Variants in PCDHA9 observed in about 807,000 individuals in gnomAD.
PCDHA9 encodes protocadherin alpha-9.
In PCDHA9, 62 loss-of-function variants were observed where a neutral mutation model predicts 62.0. The ratio of observed to expected loss-of-function variants is 1.00; its 90% CI spans 0.81 to 1.23. The LOEUF is 1.23. PCDHA9 is among the 50% of genes most tolerant of loss of function. The probability of loss-of-function intolerance (pLI) is 0.00; values close to 1 mark genes in which losing one functional copy is unlikely to be tolerated. For missense variants in PCDHA9, 1,205 were observed against 1,249.8 expected (o/e 0.96, Z 0.54); for synonymous variants, 557 against 567.6 (o/e 0.98, Z 0.27).
intron 1 of PCDHA9, chr5:140,883,677 C>T (rs112867183): frequency 1.2e-6 from 2 of 1,613,726 alleles, no homozygotes. Flanking sequence ...AACAATCCGC[C>T]GGGCTGCCAC....
chr5:140,857,695 G>T (rs2044799008), intron 1 of PCDHA9: 1 of 1,597,116 alleles, frequency 6.3e-7, no homozygotes, highest in South Asian at 1.1e-5. Context: ...GCAACTTGAC[G>T]CTGCAGGTGT....
rs1277596666 is a variant in PCDHA9 at position 140,856,532 on chromosome 5, G to A, written c.2394+5643G>A. ...AGAAGGCGCATCTGATGCGGATGTT[G>A]GAGAGAACGCATTGCTTACTTACAA... On this transcript the variant is annotated intron_variant, in intron 1 of 3. Transcript: ENST00000532602. The A allele has an allele frequency of 1.9e-6, 3 of 1,598,248 alleles. 1 individual carries two copies. The highest frequency in any genetic ancestry group is 2.6e-6 in the Non-Finnish European group (3 of 1,167,844).
chr5:140,892,580 A>C (rs1462175198), intron 1 of PCDHA9, among the ~76,000 whole-genome samples: 2 of 152,198 alleles, frequency 1.3e-5, no homozygotes, highest in Admixed American at 1.3e-4. Context: ...AGTATATCTC[A>C]GTATTCATTC....
intron 1 of PCDHA9, among the ~76,000 whole-genome samples, chr5:140,885,639 A>C (rs782628776): frequency 6.6e-6 from 1 of 152,184 alleles, no homozygotes; most frequent in Non-Finnish European, 1.5e-5. Flanking sequence ...TTGCCTTCCA[A>C]GTATTTTGGA....
chr5:140,871,011 G>C, intron 1 of PCDHA9: 1 of 1,613,324 alleles, frequency 6.2e-7, no homozygotes, highest in Non-Finnish European at 8.5e-7. Context: ...CGCGTGCCCT[G>C]GACGAGGCAG....
chr5:140,876,155 T>C lies in PCDHA9; in HGVS notation c.2394+25266T>C, dbSNP rs1554168308. Reference sequence around the variant, plus strand: ...CCAGAACTAACAGGGTCTGTCCAGATTCAAATAACCGTCCTGGATGTGAAT... The same window carrying C: ...CCAGAACTAACAGGGTCTGTCCAGACTCAAATAACCGTCCTGGATGTGAAT... On this transcript the variant is annotated intron_variant, in intron 1 of 3. Coordinates refer to ENST00000532602, the MANE Select transcript of PCDHA9 (RefSeq NM_031857.2). 3 of 1,613,994 alleles carry C rather than the reference T, an allele frequency of 1.9e-6. No homozygotes were observed. Among genetic ancestry groups the C allele is most frequent in the Admixed American group, 3.3e-5 (2 of 60,026 alleles).
intron 1 of PCDHA9, chr5:140,870,564 G>T (rs782511789): frequency 1.2e-6 from 2 of 1,613,884 alleles, no homozygotes; most frequent in Non-Finnish European, 1.7e-6. Context: ...AGGAGAACGC[G>T]CTGGTGTCCT....
intron 1 of PCDHA9, among the ~76,000 whole-genome samples, chr5:140,973,558 T>C (rs1427190876): frequency 6.6e-6 from 1 of 152,238 alleles, no homozygotes; most frequent in Admixed American, 6.5e-5. Flanking sequence ...AATTACCTCT[T>C]TCCTCAATTT....
intron 1 of PCDHA9, among the ~76,000 whole-genome samples, chr5:140,952,596 GTT>G (rs1246642070): frequency 6.6e-6 from 1 of 152,136 alleles, no homozygotes; most frequent in Non-Finnish European, 1.5e-5. Flanking sequence ...TCTCTAGGAA[GTT>G]CTAAGCTCTC....
rs1284021507 is a variant in PCDHA9 at position 140,883,838 on chromosome 5, G to A, written c.2394+32949G>A. The A allele has an allele frequency of 1.9e-6, 3 of 1,612,620 alleles. No individual in the cohort carries two copies. In the Admixed American group the frequency reaches 5.0e-5, roughly 27 times the overall value. ...CAAGGTGTACGCGCTGCAGCCGTTG[G>A]ACCACGAGGAGCTGGAGCTGTTGCA... On this transcript the variant is annotated intron_variant, in intron 1 of 3. Coordinates refer to ENST00000532602, the MANE Select transcript of PCDHA9 (RefSeq NM_031857.2).
intron 1 of PCDHA9, chr5:140,854,437 A>G (rs551404343): frequency 6.6e-6 from 1 of 150,916 alleles, no homozygotes; most frequent in African/African-American, 2.4e-5. Context: ...AATTTGAATG[A>G]ATTTTGATGC....
At chr5:140,948,735 A>C (rs756182090) in intron 1 of PCDHA9, among the ~76,000 whole-genome samples, 3 of 151,562 alleles carry the variant, frequency 2.0e-5, no homozygotes, top group Non-Finnish European at 4.4e-5. Flanking sequence ...AGTCTAGCTG[A>C]GAATTTATCA....
At chr5:140,979,178 G>C (rs782006168) in intron 2 of PCDHA9, 171 bp downstream of exon 2, 32 of 944,022 alleles carry the variant, frequency 3.4e-5, no homozygotes, top group Non-Finnish European at 4.0e-5. Flanking sequence ...GATCGCAAAT[G>C]GTCAGTGCCA....
At chr5:140,918,971 T>C (rs1342049692) in intron 1 of PCDHA9, among the ~76,000 whole-genome samples, 3 of 152,234 alleles carry the variant, frequency 2.0e-5, no homozygotes, top group Admixed American at 6.5e-5. Flanking sequence ...AGATATCGTT[T>C]AGGTTAGTTG....
intron 1 of PCDHA9, chr5:140,852,607 C>A: frequency 1.1e-6 from 1 of 915,386 alleles, no homozygotes; most frequent in Non-Finnish European, 1.3e-6. Context: ...CATTTTCTTT[C>A]AAAACTTGAG....
intron 1 of PCDHA9, chr5:140,868,845 A>G (rs1242434681): frequency 6.7e-6 from 3 of 451,106 alleles, no homozygotes; most frequent in Non-Finnish European, 7.5e-6. Flanking sequence ...AACACGTGAA[A>G]TTCTGTGGTG....
At chr5:140,968,776 A>C in intron 1 of PCDHA9, 1 of 1,614,200 alleles carries the variant, frequency 6.2e-7, no homozygotes, top group Non-Finnish European at 8.5e-7. Flanking sequence ...AGCCATCACT[A>C]TCAGCCTCTG....
At position 140,849,600 on chromosome 5, in the gene PCDHA9, A is replaced by G. The variant is rs2040983382; in HGVS notation, c.1105A>G (p.Ile369Val). Residue 369 changes from isoleucine to valine, a missense_variant, in exon 1 of 4, where the codon ATT (isoleucine) becomes GTT (valine). By Grantham distance (29) the Ile-to-Val change is conservative (BLOSUM62 3). Around this residue, in one of 3 missense-constraint regions of PCDHA9, gnomAD observed 887 missense variants for 809.5 expected, o/e 1.10. Coordinates refer to ENST00000532602, the MANE Select transcript of PCDHA9 (RefSeq NM_031857.2). ...VKEDAQLGTV[I>V]ALISVIDLDA... ...AGAGGACGCACAACTGGGGACAGTT[A>G]TTGCCCTGATTAGTGTGATCGACCT... 1 of 1,598,580 alleles carries G rather than the reference A, an allele frequency of 6.3e-7. No homozygotes were observed. The highest frequency in any genetic ancestry group is 8.6e-7 in the Non-Finnish European group (1 of 1,167,956).
intron 1 of PCDHA9, among the ~76,000 whole-genome samples, chr5:140,941,192 TTTC>T (rs1447153939): frequency 7.0e-5 from 7 of 99,658 alleles, no homozygotes; most frequent in Admixed American, 1.0e-4. Flanking sequence ...CTTCTTTTTT[TTTC>T]TTTCTTCCTT....
Sources: allele counts gnomAD v4.1 joint callset (sites outside exome capture counted in the v4.1 genomes callset), GRCh38; gene constraint gnomAD v4.1.1; regional missense constraint gnomAD v4.1.1; transcripts MANE v1.5; gene names NCBI Gene and HGNC (gene_info 2026-07-23, HGNC 2026-07-21).